ELAVL2: variants seen among roughly 807,000 people sequenced by gnomAD.
The protein encoded by ELAVL2 is ELAV like RNA binding protein 2.
ELAVL2 carries 4 observed loss-of-function variants against 34.6 expected under a neutral mutation model. That is an observed-to-expected ratio of 0.12 (90% CI 0.06 to 0.26). The LOEUF (loss-of-function observed/expected upper bound fraction) is 0.26, where lower values mean the gene tolerates loss of function less well. Ranked by LOEUF, ELAVL2 falls within the 10% of genes least tolerant of loss-of-function variation. The pLI is 1.00. For synonymous variants in ELAVL2, 193 were observed against 154.8 expected (o/e 1.25, Z -1.83); for missense variants, 432 against 442.8 (o/e 0.98, Z 0.22).
chr9:23,695,555 C>A (rs1444198822), intron 5 of ELAVL2, among the ~76,000 whole-genome samples: 1 of 152,106 alleles, frequency 6.6e-6, no homozygotes, highest in Non-Finnish European at 1.5e-5. Flanking sequence ...ACTAGGTGAT[C>A]TCGTTGTTGT....
intron 3 of ELAVL2, among the ~76,000 whole-genome samples, chr9:23,724,890 G>C (rs1450662288): frequency 6.6e-6 from 1 of 151,812 alleles, no homozygotes; most frequent in Non-Finnish European, 1.5e-5. Flanking sequence ...TTTTTGTCTG[G>C]ATAAATAACA....
intron 1 of ELAVL2, among the ~76,000 whole-genome samples, chr9:23,784,039 T>A (rs899483430): frequency 1.3e-5 from 2 of 151,408 alleles, no homozygotes; most frequent in Admixed American, 6.6e-5. Context: ...CTAAAAAAAA[T>A]ACAAAAAAAT....
the ELAVL2 span, among the ~76,000 whole-genome samples, chr9:23,838,523 C>G: frequency 1.3e-5 from 2 of 152,078 alleles, no homozygotes; most frequent in African/African-American, 4.8e-5. Context: ...TGACAAAAAT[C>G]TCAGAAATTG....
intron 1 of ELAVL2, among the ~76,000 whole-genome samples, chr9:23,816,317 TAAAAAAAAAAAA>T (rs10717104): frequency 3.1e-3 from 137 of 44,714 alleles, no homozygotes; most frequent in African/African-American, 1.0e-2. Flanking sequence ...AAGCTTTCAG[TAAAAAAAAAAAA>T]AAAAAAAAAA....
chr9:23,702,256 G>C (rs1439790134), intron 4 of ELAVL2, among the ~76,000 whole-genome samples: 1 of 151,896 alleles, frequency 6.6e-6, no homozygotes, highest in Non-Finnish European at 1.5e-5. Context: ...ATATTATATG[G>C]AGAAAAAGAA....
At position 23,805,866 on chromosome 9, in the gene ELAVL2, T is replaced by C. The variant is rs571742081; in HGVS notation, c.-16+19940A>G. Reference sequence around the variant, plus strand: ...CTTGAAGCAGCCAATATCTTTTCAATACAGCACACTTTGAAGCGGTATTAA... The same window carrying C: ...CTTGAAGCAGCCAATATCTTTTCAACACAGCACACTTTGAAGCGGTATTAA... On this transcript the variant is annotated intron_variant, in intron 1 of 6. Transcript: ENST00000397312. 4.6e-5 allele frequency among the ~76,000 whole-genome samples: 7 copies of C among 152,264 alleles called. 1 individual carries two copies. The highest frequency in any genetic ancestry group is 3.4e-3 in the Middle Eastern group (1 of 294).
chr9:23,702,156 G>C (rs1049365352), intron 4 of ELAVL2, among the ~76,000 whole-genome samples: 5 of 152,086 alleles, frequency 3.3e-5, no homozygotes, highest in Non-Finnish European at 7.4e-5. Flanking sequence ...ATAGGATATA[G>C]GTCCTTTAGG....
intron 4 of ELAVL2, among the ~76,000 whole-genome samples, chr9:23,704,214 G>A (rs959539573): frequency 9.9e-5 from 15 of 151,754 alleles, no homozygotes; most frequent in African/African-American, 3.6e-4. Flanking sequence ...TTATAGGCAT[G>A]AGCCACTGTG....
intron 1 of ELAVL2, among the ~76,000 whole-genome samples, chr9:23,774,689 C>T (rs1355948252): frequency 7.3e-6 from 1 of 136,298 alleles, no homozygotes; most frequent in Non-Finnish European, 1.6e-5. Context: ...ACACATCTCC[C>T]ATCCTCTTTG....
chr9:23,814,556 C>T (rs1279372471), intron 1 of ELAVL2, among the ~76,000 whole-genome samples: 1 of 152,078 alleles, frequency 6.6e-6, no homozygotes, highest in Non-Finnish European at 1.5e-5. Flanking sequence ...CATTCAGAGG[C>T]ACAGGACAGA....
intron 1 of ELAVL2, among the ~76,000 whole-genome samples, chr9:23,818,761 C>G (rs1156539729): frequency 6.6e-6 from 1 of 152,058 alleles, no homozygotes; most frequent in Non-Finnish European, 1.5e-5. Flanking sequence ...CAAATGGGAG[C>G]GAAAATACTG....
intron 2 of ELAVL2, among the ~76,000 whole-genome samples, chr9:23,760,714 TTA>T (rs2054772603): frequency 6.6e-6 from 1 of 152,044 alleles, no homozygotes; most frequent in South Asian, 2.1e-4. Flanking sequence ...TAGTGAACAT[TTA>T]AGCAACATAA....
At chr9:23,707,468 C>A (rs886825588) in intron 3 of ELAVL2, among the ~76,000 whole-genome samples, 2 of 152,196 alleles carry the variant, frequency 1.3e-5, no homozygotes, top group Non-Finnish European at 2.9e-5. Flanking sequence ...CCATTATGAA[C>A]AGCCATGTCC....
chr9:23,753,791 TG>T (rs2052779275), intron 2 of ELAVL2, among the ~76,000 whole-genome samples: 1 of 152,168 alleles, frequency 6.6e-6, no homozygotes, highest in Non-Finnish European at 1.5e-5. Context: ...AGAAAAGGTC[TG>T]GAATAGCAAA....
chr9:23,693,600 T>C (rs1234848435), intron 5 of ELAVL2, 114 bp from the exon 6 acceptor site: 4 of 1,261,102 alleles, frequency 3.2e-6, no homozygotes, highest in Non-Finnish European at 4.6e-6. Flanking sequence ...TGATTATATG[T>C]GAAGACTCAG....
At chr9:23,692,911 C>A (rs777797527) in intron 6 of ELAVL2, 27 bp from the exon 7 acceptor site, 3 of 1,591,778 alleles carry the variant, frequency 1.9e-6, no homozygotes, top group East Asian at 4.5e-5. Context: ...GAAATACACA[C>A]ATACACACAA....
chr9:23,827,783 G>T (rs1614110), upstream of ELAVL2, among the ~76,000 whole-genome samples: 1 of 152,168 alleles, frequency 6.6e-6, no homozygotes, highest in Non-Finnish European at 1.5e-5. Context: ...TGTTCTTTGA[G>T]AGTGTCCTTG....
At chr9:23,726,084 A>G (rs555676169) in intron 3 of ELAVL2, among the ~76,000 whole-genome samples, 1 of 152,256 alleles carries the variant, frequency 6.6e-6, no homozygotes, top group Non-Finnish European at 1.5e-5. Flanking sequence ...CAGAAAAAAA[A>G]AAGTATAAAT....
chr9:23,809,205 T>C (rs2062648929), intron 1 of ELAVL2, among the ~76,000 whole-genome samples: 1 of 152,140 alleles, frequency 6.6e-6, no homozygotes, highest in African/African-American at 2.4e-5. Flanking sequence ...AGGCACCTGC[T>C]TGAAATATGT....
Sources: gnomAD v4.1 joint callset for allele counts (sites outside exome capture counted in the v4.1 genomes callset) on GRCh38, gnomAD v4.1.1 for gene constraint, MANE v1.5 for transcripts, NCBI Gene and HGNC (gene_info 2026-07-23, HGNC 2026-07-21) for gene names.